Variants in KIF16B observed in about 807,000 individuals in gnomAD.
KIF16B encodes kinesin-like protein KIF16B.
Under a neutral mutation model 156.3 loss-of-function variants are expected in KIF16B, and 98 were observed. The ratio of observed to expected loss-of-function variants is 0.63; its 90% CI spans 0.53 to 0.74. The LOEUF (loss-of-function observed/expected upper bound fraction) is 0.74. KIF16B is among the 30% of genes least tolerant of loss of function. The pLI, the probability that KIF16B is intolerant of heterozygous loss-of-function variation, is 0.00. For synonymous variants in KIF16B, 564 were observed against 583.7 expected, an observed-to-expected ratio of 0.97 and a Z score of 0.49; for missense variants, 1,421 against 1,606.5, an observed-to-expected ratio of 0.88 and a Z score of 1.97.
At chr20:16,352,190 T>C (rs2064350733) in intron 23 of KIF16B, among the ~76,000 whole-genome samples, 1 of 152,240 alleles carries the variant, frequency 6.6e-6, no homozygotes, top group Non-Finnish European at 1.5e-5. Flanking sequence ...ACCAGAGGGC[T>C]AGTTACACGG....
chr20:16,385,648 T>G (rs1461804083), intron 17 of KIF16B, among the ~76,000 whole-genome samples: 1 of 152,142 alleles, frequency 6.6e-6, no homozygotes, highest in Non-Finnish European at 1.5e-5. Flanking sequence ...GGGCTGAGTG[T>G]TGCCTCGCAT....
chr20:16,278,563 T>C (rs2063098181), intron 25 of KIF16B, among the ~76,000 whole-genome samples: 1 of 152,180 alleles, frequency 6.6e-6, no homozygotes, highest in South Asian at 2.1e-4. Context: ...ATTTTGTTGC[T>C]CAGGGGCAGT....
chr20:16,458,470 G>GC (rs762214099), intron 12 of KIF16B, among the ~76,000 whole-genome samples: 48 of 152,272 alleles, frequency 3.2e-4, no homozygotes, highest in South Asian at 1.0e-3. Flanking sequence ...TGTTCTGACA[G>GC]CATTTCTGAT....
chr20:16,513,262 A>G (rs2069018927), intron 4 of KIF16B, among the ~76,000 whole-genome samples: 1 of 152,210 alleles, frequency 6.6e-6, no homozygotes, highest in Non-Finnish European at 1.5e-5. Flanking sequence ...CAAATGAACA[A>G]GGTAGGTGAA....
At chr20:16,384,393 T>C (rs1307090226) in intron 17 of KIF16B, among the ~76,000 whole-genome samples, 1 of 152,078 alleles carries the variant, frequency 6.6e-6, no homozygotes, top group Non-Finnish European at 1.5e-5. Context: ...ATATATCTAA[T>C]CTGAGTCATT....
At chr20:16,415,891 T>A (rs1344511153) in intron 15 of KIF16B, among the ~76,000 whole-genome samples, 1 of 152,164 alleles carries the variant, frequency 6.6e-6, no homozygotes, top group Non-Finnish European at 1.5e-5. Flanking sequence ...AGCTATAGCC[T>A]GAACAAAATG....
intron 12 of KIF16B, among the ~76,000 whole-genome samples, chr20:16,464,665 C>T (rs1400804473): frequency 6.6e-6 from 1 of 152,150 alleles, no homozygotes; most frequent in African/African-American, 2.4e-5. Flanking sequence ...CCCTCTAGTT[C>T]CTAAGCACGG....
At chr20:16,424,017 CACCA>C (rs1260570491) in intron 15 of KIF16B, among the ~76,000 whole-genome samples, 1 of 152,054 alleles carries the variant, frequency 6.6e-6, no homozygotes, top group East Asian at 1.9e-4. Flanking sequence ...GACAGCCTCC[CACCA>C]TGACTAATAC....
At chr20:16,476,771 T>C (rs1311861808) in intron 12 of KIF16B, among the ~76,000 whole-genome samples, 1 of 152,196 alleles carries the variant, frequency 6.6e-6, no homozygotes, top group Non-Finnish European at 1.5e-5. Context: ...ATTTATTTAC[T>C]TTTTTTGAGA....
At chr20:16,491,155 G>A (rs542110517) in intron 12 of KIF16B, among the ~76,000 whole-genome samples, 2 of 152,252 alleles carry the variant, frequency 1.3e-5, no homozygotes, top group South Asian at 2.1e-4. Flanking sequence ...GAACGGAAAG[G>A]GGACACATCC....
chr20:16,464,021 T>C (rs2067420389), intron 12 of KIF16B, among the ~76,000 whole-genome samples: 1 of 152,164 alleles, frequency 6.6e-6, no homozygotes, highest in Non-Finnish European at 1.5e-5. Context: ...TGGATAGTCA[T>C]CCAGAGGTAC....
chr20:16,349,812 A>C (rs955441167), intron 23 of KIF16B, among the ~76,000 whole-genome samples: 2 of 152,164 alleles, frequency 1.3e-5, no homozygotes, highest in Non-Finnish European at 2.9e-5. Flanking sequence ...AGGGTCTTTT[A>C]AGTTCAGGGA....
At chr20:16,542,625 G>A (rs1277838277) in intron 1 of KIF16B, among the ~76,000 whole-genome samples, 1 of 152,168 alleles carries the variant, frequency 6.6e-6, no homozygotes, top group Non-Finnish European at 1.5e-5. Flanking sequence ...AACAGCAGGT[G>A]TAAAGGCCCT....
intron 22 of KIF16B, among the ~76,000 whole-genome samples, chr20:16,364,109 G>A (rs899599037): frequency 6.6e-6 from 1 of 152,176 alleles, no homozygotes; most frequent in Non-Finnish European, 1.5e-5. Context: ...AATTACTACT[G>A]CTGGAAGGCT....
At chr20:16,359,411 T>C (rs1243932389) in intron 22 of KIF16B, among the ~76,000 whole-genome samples, 1 of 152,216 alleles carries the variant, frequency 6.6e-6, no homozygotes, top group Non-Finnish European at 1.5e-5. Context: ...CCTTCCACCA[T>C]GATTGTAATC....
intron 12 of KIF16B, among the ~76,000 whole-genome samples, chr20:16,452,765 G>A (rs1220570016): frequency 6.6e-6 from 1 of 151,732 alleles, no homozygotes; most frequent in Admixed American, 6.6e-5. Context: ...AACCTGGGAG[G>A]CGAAGCTTGC....
At chr20:16,514,885 C>CCAACAAAAA (rs2069090566) in intron 4 of KIF16B, among the ~76,000 whole-genome samples, 1 of 60,780 alleles carries the variant, frequency 1.6e-5, no homozygotes, top group Non-Finnish European at 2.9e-5. Context: ...GATTCCATCT[C>CCAACAAAAA]AAAAAAAAAA....
At chr20:16,319,406 T>C (rs1445231182) in intron 24 of KIF16B, among the ~76,000 whole-genome samples, 1 of 152,168 alleles carries the variant, frequency 6.6e-6, no homozygotes. Flanking sequence ...TGGTTTCTGA[T>C]CCTACACACG....
intron 17 of KIF16B, among the ~76,000 whole-genome samples, chr20:16,385,418 G>A (rs1044480376): frequency 1.3e-5 from 2 of 152,110 alleles, no homozygotes; most frequent in African/African-American, 4.8e-5. Context: ...CCTATAGGGG[G>A]GCAGGAAGGC....
Sources: gnomAD v4.1 joint callset for allele counts (sites outside exome capture counted in the v4.1 genomes callset) on GRCh38, gnomAD v4.1.1 for gene constraint, MANE v1.5 for transcripts, NCBI Gene and HGNC (gene_info 2026-07-23, HGNC 2026-07-21) for gene names.